Variants in BPTF observed in about 807,000 individuals in gnomAD.
BPTF encodes nucleosome-remodeling factor subunit BPTF.
BPTF carries 18 observed loss-of-function variants against 292.5 expected under a neutral mutation model. That is an observed-to-expected ratio of 0.06 (90% confidence interval 0.04 to 0.09). The LOEUF is 0.09. Among genes scored for constraint, BPTF ranks in the 10% least tolerant of loss-of-function variants. The probability of loss-of-function intolerance (pLI) is 1.00; values close to 1 mark genes in which losing one functional copy is unlikely to be tolerated. For synonymous variants in BPTF, 1,225 were observed against 1,251.9 expected (o/e 0.98, Z 0.45); for missense variants, 2,726 against 3,498.7 (o/e 0.78, Z 5.57).
chr17:67,964,206 T>C lies in BPTF; in HGVS notation c.8262-6T>C. Reference sequence around the variant, plus strand: ...TGAACTCACATTTCCATTTCGGATCTTGCAGATTTTATATTGGCTGTGATC... The same window carrying C: ...TGAACTCACATTTCCATTTCGGATCCTGCAGATTTTATATTGGCTGTGATC... On this transcript the variant is annotated splice_region_variant and splice_polypyrimidine_tract_variant and intron_variant, in intron 24 of 27. Coordinates refer to ENST00000306378, the MANE Select transcript of BPTF (RefSeq NM_182641.4). 6.2e-7 allele frequency: 1 copy of C among 1,602,932 alleles called. No individual in the cohort carries two copies. Among genetic ancestry groups the C allele is most frequent in the South Asian group, 1.1e-5 (1 of 90,822 alleles).
intron 18 of BPTF, among the ~76,000 whole-genome samples, chr17:67,936,895 A>G (rs559147750): frequency 3.3e-5 from 5 of 152,298 alleles, no homozygotes; most frequent in South Asian, 2.1e-4. Flanking sequence ...TTCCCAAGCT[A>G]TTAATCTGGG....
intron 23 of BPTF, among the ~76,000 whole-genome samples, chr17:67,949,994 C>CAGTGAGCCA (rs1327647739): frequency 1.5e-5 from 2 of 130,810 alleles, no homozygotes; most frequent in African/African-American, 5.7e-5. Flanking sequence ...GTGGAGGTTG[C>CAGTGAGCCA]AGTGAGCCAA....
intron 1 of BPTF, among the ~76,000 whole-genome samples, chr17:67,843,738 T>TG (rs2057766476): frequency 1.4e-5 from 2 of 147,736 alleles, no homozygotes; most frequent in Admixed American, 1.4e-4. Context: ...ATTTTTAAAT[T>TG]GTCTGGAGCA....
chr17:67,847,954 T>A (rs1050843421), intron 1 of BPTF, among the ~76,000 whole-genome samples: 1 of 152,226 alleles, frequency 6.6e-6, no homozygotes, highest in Non-Finnish European at 1.5e-5. Context: ...TATATATATG[T>A]AACAGTAGAT....
rs2065787499 is a variant in BPTF at position 67,946,045 on chromosome 17, C to G, written c.7337C>G (p.Ser2446Cys). Residue 2446 changes from serine (S) to cysteine (C), a missense_variant, in exon 21 of 28, where the codon TCT (serine) becomes TGT (cysteine). By Grantham distance (112) the Ser-to-Cys change is moderately radical. Around this residue, in one of 22 missense-constraint regions of BPTF, gnomAD observed 570 missense variants for 633.5 expected, o/e 0.90. Transcript: ENST00000306378. ...CTGCAACAACAAGTCCAGGTTCTCT[C>G]TCAGATCCAGTCACAGGTTGTGGCT... ...PQLQQQVQVL[S>C]QIQSQVVAQI... The G allele has an allele frequency of 6.2e-7, 1 of 1,614,096 alleles. No homozygotes were observed. Among genetic ancestry groups the G allele is most frequent in the Non-Finnish European group, 8.5e-7 (1 of 1,180,050 alleles).
At chr17:67,847,622 C>A (rs2144714805) in intron 1 of BPTF, among the ~76,000 whole-genome samples, 1 of 150,472 alleles carries the variant, frequency 6.6e-6, no homozygotes, top group African/African-American at 2.4e-5. Flanking sequence ...TTGCAGTGAG[C>A]CTAGATTGCG....
intron 7 of BPTF, among the ~76,000 whole-genome samples, chr17:67,900,709 A>G (rs1598518822): frequency 6.6e-6 from 1 of 152,116 alleles, no homozygotes. Flanking sequence ...TTTGATCTAG[A>G]AAAGTTAATG....
chr17:67,919,103 C>T (rs907584600), intron 12 of BPTF, among the ~76,000 whole-genome samples: 4 of 150,628 alleles, frequency 2.7e-5, no homozygotes, highest in South Asian at 2.1e-4. Flanking sequence ...ACCTGGGAGG[C>T]GGAGCTTACA....
rs1221746014 is a variant in BPTF at position 67,825,971 on chromosome 17, G to C, written c.247G>C (p.Ala83Pro). ...GAGGAAGCCGCCGCCGCCGCCGCCG[G>C]CCCCCCCCAGCACCAGCGCCCCGGG... is the stretch of plus-strand genomic sequence containing the variant. ...SRRKPPPPPP[A>P]PPSTSAPGRG... Residue 83 changes from alanine (A) to proline (P), a missense_variant, in exon 1 of 28, where the codon GCC (alanine) becomes CCC (proline). Transcript: ENST00000306378. The C allele has an allele frequency of 4.0e-5, 41 of 1,021,476 alleles. No individual in the cohort carries two copies. In the East Asian group the frequency reaches 2.3e-3, roughly 57 times the overall value. 63.3% of individuals were successfully genotyped at this position (1,021,476 alleles called of 1,614,324 possible). A position where few individuals can be genotyped will look rare whatever the true frequency, so the allele number is the denominator to read the frequency against.
intron 4 of BPTF, among the ~76,000 whole-genome samples, chr17:67,884,117 C>T (rs1216694882): frequency 6.7e-6 from 1 of 149,972 alleles, no homozygotes; most frequent in East Asian, 2.0e-4. Flanking sequence ...AACCAATGCC[C>T]TATTGATGGG....
intron 13 of BPTF, among the ~76,000 whole-genome samples, chr17:67,921,241 A>G (rs1477291824): frequency 6.7e-6 from 1 of 149,096 alleles, no homozygotes; most frequent in Non-Finnish European, 1.5e-5. Flanking sequence ...AAAAAGAAAT[A>G]CAGGCCAGGC....
At chr17:67,951,782 G>A (rs1228286262) in intron 23 of BPTF, 1 of 152,140 alleles carries the variant, frequency 6.6e-6, no homozygotes, top group African/African-American at 2.4e-5. Context: ...GGAGCCAGGT[G>A]CAGTGGTTCA....
chr17:67,859,454 A>C (rs2058942996), intron 2 of BPTF, among the ~76,000 whole-genome samples: 1 of 152,242 alleles, frequency 6.6e-6, no homozygotes, highest in Non-Finnish European at 1.5e-5. Flanking sequence ...CCTTGCAGGC[A>C]CTATTTTTGT....
Position 67,964,724 on chromosome 17 carries a change from G to A in BPTF, c.8454+320G>A, listed in dbSNP as rs548794075. Among the ~76,000 whole-genome samples the A allele has an allele frequency of 3.9e-5, 6 of 152,240 alleles. No homozygotes were observed. The South Asian group carries it at 1.0e-3, about 26-fold the overall frequency. ...ATTAGATTATAGTTGTTCTTGGCCGGGCATGGTGGCTCATGCCTGTAATCC... is the reference window on the plus strand; with the variant it reads ...ATTAGATTATAGTTGTTCTTGGCCGAGCATGGTGGCTCATGCCTGTAATCC... On this transcript the variant is annotated intron_variant, in intron 25 of 27. Coordinates refer to ENST00000306378, the MANE Select transcript of BPTF (RefSeq NM_182641.4).
chr17:67,840,908 A>G (rs1379502003), intron 1 of BPTF, among the ~76,000 whole-genome samples: 2 of 152,152 alleles, frequency 1.3e-5, no homozygotes, highest in Non-Finnish European at 2.9e-5. Context: ...TATTTTGGAT[A>G]TAAGTGCTTT....
At position 67,912,919 on chromosome 17, in the gene BPTF, A is replaced by G; in HGVS notation, c.5035A>G (p.Ser1679Gly). The change falls in exon 11 of 28, where the codon AGC becomes GGC. Residue 1679 changes from serine to glycine, a missense_variant. Ser to Gly is a moderately conservative substitution (Grantham distance 56, BLOSUM62 0). Around this residue, in one of 22 missense-constraint regions of BPTF, gnomAD observed 144 missense variants for 177.2 expected, o/e 0.81. Coordinates refer to ENST00000306378, the MANE Select transcript of BPTF (RefSeq NM_182641.4). ...GGTLVTSMTV[S>G]KEYSTRDKVK... ...CACACTGGTTACATCTATGACTGTG[A>G]GCAAAGAGTATTCCACACGAGACAA... 6.2e-7 allele frequency: 1 copy of G among 1,614,242 alleles called. No homozygotes were observed. Among genetic ancestry groups the G allele is most frequent in the Non-Finnish European group, 8.5e-7 (1 of 1,180,038 alleles).
chr17:67,906,074 G>C (rs995637280), intron 9 of BPTF, among the ~76,000 whole-genome samples: 1 of 151,748 alleles, frequency 6.6e-6, no homozygotes, highest in Admixed American at 6.6e-5. Context: ...GGTTTTTTTT[G>C]GGGGGAGGGG....
intron 9 of BPTF, among the ~76,000 whole-genome samples, chr17:67,907,378 T>TG (rs1160861741): frequency 2.0e-5 from 3 of 150,344 alleles, no homozygotes; most frequent in African/African-American, 7.3e-5. Flanking sequence ...TTTTTTGAGA[T>TG]GGAGTTTTGC....
At position 67,982,476 on chromosome 17, in the gene BPTF, A is replaced by G. The variant is rs2070532058; in HGVS notation, c.*188A>G. 2.1e-6 allele frequency: 1 copy of G among 480,324 alleles called. No individual in the cohort carries two copies. The highest frequency in any genetic ancestry group is 2.0e-5 in the African/African-American group (1 of 50,292). The allele number at this position is 480,324 out of a possible 1,614,324, so 29.8% of individuals were successfully genotyped here. ...TGTCCAACGGACAAGAAAAAAGCAA[A>G]GTCAACGACACCATTATCTTGTCAA... On this transcript the variant is annotated 3_prime_UTR_variant, in exon 28 of 28. Coordinates refer to ENST00000306378, the MANE Select transcript of BPTF (RefSeq NM_182641.4).
Sources: allele counts gnomAD v4.1 joint callset (sites outside exome capture counted in the v4.1 genomes callset), GRCh38; gene constraint gnomAD v4.1.1; regional missense constraint gnomAD v4.1.1; transcripts MANE v1.5; gene names NCBI Gene and HGNC (gene_info 2026-07-23, HGNC 2026-07-21).